FGGY: variants seen among roughly 807,000 people sequenced by gnomAD.
FGGY encodes FGGY carbohydrate kinase domain-containing protein.
In FGGY, 72 loss-of-function variants were observed where a neutral mutation model predicts 71.3. The ratio of observed to expected loss-of-function variants is 1.01; its 90% CI spans 0.84 to 1.23. The LOEUF (loss-of-function observed/expected upper bound fraction) is 1.23, where lower values mean the gene tolerates loss of function less well. Among genes scored for constraint, FGGY ranks in the 50% most tolerant of loss-of-function variants. The probability of loss-of-function intolerance (pLI) is 0.00; values close to 1 mark genes in which losing one functional copy is unlikely to be tolerated. For missense variants in FGGY, 668 were observed against 682.3 expected, an observed-to-expected ratio of 0.98 and a Z score of 0.23; for synonymous variants, 251 against 250.3, an observed-to-expected ratio of 1.00 and a Z score of -0.02.
chr1:59,380,966 GT>G (rs1253311877), intron 5 of FGGY, among the ~76,000 whole-genome samples: 1 of 152,086 alleles, frequency 6.6e-6, no homozygotes, highest in Non-Finnish European at 1.5e-5. Context: ...ATTAATTTTT[GT>G]ATAGGGTGTA....
At position 59,346,351 on chromosome 1, in the gene FGGY, G is replaced by C. The variant is rs761896156; in HGVS notation, c.418G>C (p.Val140Leu). Residue 140 changes from valine (V) to leucine (L), a missense_variant, in exon 4 of 16, where the codon GTG (valine) becomes CTG (leucine). Val to Leu is a conservative substitution (Grantham distance 32). Coordinates refer to ENST00000303721, the MANE Select transcript of FGGY (RefSeq NM_018291.5). ...KHSVLQYVGG[V>L]MSVEMQAPKL... ...CAGTGTCCTCCAGTACGTCGGGGGG[G>C]TGATGTCTGTGGAAATGCAGGCCCC... is the stretch of plus-strand genomic sequence containing the variant. The C allele has an allele frequency of 6.2e-7, 1 of 1,611,800 alleles. No homozygotes were observed. Among genetic ancestry groups the C allele is most frequent in the Admixed American group, 1.7e-5 (1 of 59,966 alleles).
At chr1:59,514,612 A>G (rs1020435808) in intron 7 of FGGY, among the ~76,000 whole-genome samples, 7 of 152,020 alleles carry the variant, frequency 4.6e-5, no homozygotes, top group Admixed American at 2.0e-4. Context: ...GAATTCCCAC[A>G]TGTTGTGGGA....
intron 7 of FGGY, among the ~76,000 whole-genome samples, chr1:59,523,750 A>G (rs936905928): frequency 1.3e-5 from 2 of 152,194 alleles, no homozygotes; most frequent in Non-Finnish European, 2.9e-5. Context: ...CTCTCTGAAG[A>G]TGGTAAAAAT....
intron 11 of FGGY, among the ~76,000 whole-genome samples, chr1:59,653,360 C>G (rs189388138): frequency 7.2e-5 from 11 of 152,122 alleles, no homozygotes; most frequent in East Asian, 1.9e-4. Flanking sequence ...GCCTTGCTGC[C>G]GCCTTGCAGT....
chr1:59,613,763 A>G (rs1226039680), intron 9 of FGGY, among the ~76,000 whole-genome samples: 1 of 152,172 alleles, frequency 6.6e-6, no homozygotes. Context: ...AGACTAATGA[A>G]GAAGAAAAGA....
intron 14 of FGGY, among the ~76,000 whole-genome samples, chr1:59,716,992 TAAC>T (rs2100495148): frequency 6.6e-6 from 1 of 152,296 alleles, no homozygotes; most frequent in African/African-American, 2.4e-5. Context: ...GGTTTCAGAA[TAAC>T]AATAGTGATC....
At chr1:59,375,411 G>A (rs981114972) in intron 4 of FGGY, among the ~76,000 whole-genome samples, 2 of 152,050 alleles carry the variant, frequency 1.3e-5, no homozygotes, top group Non-Finnish European at 2.9e-5. Context: ...CCTATCTCCA[G>A]ACTTTTCTTT....
intron 7 of FGGY, among the ~76,000 whole-genome samples, chr1:59,529,323 G>C (rs975208438): frequency 6.6e-6 from 1 of 152,166 alleles, no homozygotes; most frequent in Non-Finnish European, 1.5e-5. Flanking sequence ...ATGCTAGAGA[G>C]TCTACATGTA....
intron 14 of FGGY, among the ~76,000 whole-genome samples, chr1:59,699,616 A>T (rs1191049237): frequency 6.6e-6 from 1 of 152,230 alleles, no homozygotes; most frequent in African/African-American, 2.4e-5. Flanking sequence ...CAAACAAAAA[A>T]AGGAGGTAAA....
intron 5 of FGGY, among the ~76,000 whole-genome samples, chr1:59,415,943 C>T (rs1382169636): frequency 6.6e-6 from 1 of 152,200 alleles, no homozygotes; most frequent in East Asian, 1.9e-4. Context: ...ACCTACATCC[C>T]TTATTGAACC....
At chr1:59,591,181 C>T (rs1245853829) in intron 8 of FGGY, among the ~76,000 whole-genome samples, 3 of 152,162 alleles carry the variant, frequency 2.0e-5, no homozygotes, top group South Asian at 2.1e-4. Context: ...AGTGAGCTCC[C>T]ATTTACAATT....
chr1:59,474,062 T>C (rs2093136923), intron 6 of FGGY: 1 of 152,240 alleles, frequency 6.6e-6, no homozygotes, highest in Admixed American at 6.5e-5. Context: ...GAATATTCAC[T>C]CCTGCATCAC....
chr1:59,675,314 C>G (rs1267153347), intron 14 of FGGY, among the ~76,000 whole-genome samples: 1 of 152,070 alleles, frequency 6.6e-6, no homozygotes, highest in Non-Finnish European at 1.5e-5. Flanking sequence ...ATGCTAGGTG[C>G]TTTTTGTATA....
chr1:59,374,218 G>A (rs9803861), intron 4 of FGGY, among the ~76,000 whole-genome samples: 49,170 of 151,444 alleles, frequency 0.32, 8,341 homozygotes, highest in African/African-American at 0.42. Flanking sequence ...AAAAAAACAA[G>A]CAACCCCATC....
chr1:59,700,441 T>C (rs930592342), intron 14 of FGGY, among the ~76,000 whole-genome samples: 2 of 152,202 alleles, frequency 1.3e-5, no homozygotes, highest in Non-Finnish European at 2.9e-5. Context: ...ATTCACAGAA[T>C]GCTTCTGTGT....
chr1:59,641,232 G>T (rs754951177), intron 11 of FGGY: 39 of 1,458,548 alleles, frequency 2.7e-5, no homozygotes, highest in Admixed American at 3.6e-5. Context: ...ATTGCCTTTA[G>T]CATTTTATCT....
At chr1:59,582,340 T>G (rs2096209855) in intron 8 of FGGY, among the ~76,000 whole-genome samples, 3 of 150,190 alleles carry the variant, frequency 2.0e-5, no homozygotes, top group Admixed American at 2.0e-4. Flanking sequence ...CCATTATTTC[T>G]TCTGTCAGTT....
At chr1:59,419,799 G>GA (rs2065093836) in intron 5 of FGGY, among the ~76,000 whole-genome samples, 1 of 151,948 alleles carries the variant, frequency 6.6e-6, no homozygotes, top group South Asian at 2.1e-4. Flanking sequence ...TGTGGGCTTA[G>GA]AAAATCACAC....
intron 14 of FGGY, among the ~76,000 whole-genome samples, chr1:59,687,719 C>T (rs547006466): frequency 9.9e-5 from 15 of 151,912 alleles, no homozygotes; most frequent in Admixed American, 2.6e-4. Flanking sequence ...CCACCCACCT[C>T]GGCCTCCTAA....
Sources: gnomAD v4.1 joint callset for allele counts (sites outside exome capture counted in the v4.1 genomes callset) on GRCh38, gnomAD v4.1.1 for gene constraint, MANE v1.5 for transcripts, NCBI Gene and HGNC (gene_info 2026-07-23, HGNC 2026-07-21) for gene names.